DHX57: variants seen among roughly 807,000 people sequenced by gnomAD.
DHX57 encodes DExH-box helicase 57.
In DHX57, 105 loss-of-function variants were observed where a neutral mutation model predicts 156.2. The ratio of observed to expected loss-of-function variants is 0.67; its 90% CI spans 0.57 to 0.79. The LOEUF is 0.79. DHX57 is among the 30% of genes least tolerant of loss of function. The pLI, the probability that DHX57 is intolerant of heterozygous loss-of-function variation, is 0.00. For synonymous variants in DHX57, 704 were observed against 595.6 expected, an observed-to-expected ratio of 1.18 and a Z score of -2.65; for missense variants, 1,847 against 1,661.9, an observed-to-expected ratio of 1.11 and a Z score of -1.94.
At chr2:38,799,891 A>G (rs949261636) in intron 23 of DHX57, among the ~76,000 whole-genome samples, 2 of 152,010 alleles carry the variant, frequency 1.3e-5, no homozygotes, top group Non-Finnish European at 2.9e-5. Flanking sequence ...CGTCTCTAAT[A>G]AAAATACAAA....
In DHX57 at chr2:38,802,725, G is replaced by T. The variant is rs375481101; in HGVS notation, c.4007C>A (p.Ala1336Asp). 1.2e-6 allele frequency: 2 copies of T among 1,613,930 alleles called. No individual in the cohort carries two copies. Among genetic ancestry groups the T allele is most frequent in the Non-Finnish European group, 1.7e-6 (2 of 1,180,034 alleles). The change falls in exon 23 of 24, where the codon GCT becomes GAT. Residue 1336 changes from alanine to aspartate, a missense_variant. Transcript: ENST00000457308. Reference sequence around the variant, plus strand: ...CAATTCTGCCTTTACCTGATGGGAAGCAGCTACAAAACGGATCCAACCATC... The same window carrying T: ...CAATTCTGCCTTTACCTGATGGGAATCAGCTACAAAACGGATCCAACCATC... ...LDDGWIRFVA[A>D]SHQVAELVKE...
At chr2:38,864,344 G>C (rs570026947) in intron 2 of DHX57, among the ~76,000 whole-genome samples, 1 of 149,494 alleles carries the variant, frequency 6.7e-6, no homozygotes, top group Non-Finnish European at 1.5e-5. Context: ...CCAGGAGTTC[G>C]AGACCAGCCT....
intron 21 of DHX57, 42 bp from the exon 22 acceptor site, chr2:38,806,735 T>TA (rs777085785): frequency 1.3e-6 from 2 of 1,565,832 alleles, no homozygotes; most frequent in Non-Finnish European, 1.7e-6. Flanking sequence ...ATAATATATA[T>TA]ATTCTCATAG....
In DHX57 at chr2:38,797,843, G is replaced by A. The variant is rs1212464720; in HGVS notation, c.*456C>T. ...ATTTTGCTTGTTCACATAATTTTGG[G>A]TTTTTTTTCCCCTTCTCTGTTCTGA... On this transcript the variant is annotated 3_prime_UTR_variant, in exon 24 of 24. Coordinates refer to ENST00000457308, the MANE Select transcript of DHX57 (RefSeq NM_198963.3). 1 of 162,168 alleles carries A rather than the reference G, an allele frequency of 6.2e-6. No homozygotes were observed. Among genetic ancestry groups the A allele is most frequent in the South Asian group, 2.1e-4 (1 of 4,758 alleles). 10.0% of individuals were successfully genotyped at this position (162,168 alleles called of 1,614,324 possible). A position where few individuals can be genotyped will look rare whatever the true frequency, so the allele number is the denominator to read the frequency against.
chr2:38,863,546 C>A, intron 2 of DHX57, 27 bp from the exon 3 acceptor site: 1 of 1,602,318 alleles, frequency 6.2e-7, no homozygotes, highest in South Asian at 1.1e-5. Flanking sequence ...AGCAAAATTA[C>A]ACACATATCT....
At chr2:38,869,334 T>C (rs1359460930) in intron 1 of DHX57, among the ~76,000 whole-genome samples, 1 of 152,100 alleles carries the variant, frequency 6.6e-6, no homozygotes, top group Non-Finnish European at 1.5e-5. Context: ...CTTTCAAGAA[T>C]AGTGAGGTTG....
At chr2:38,811,167 G>C (rs115402513) in intron 21 of DHX57, 1 of 510,058 alleles carries the variant, frequency 2.0e-6, no homozygotes, top group African/African-American at 1.9e-5. Context: ...ACTGGGATGG[G>C]AATCCCATGT....
chr2:38,871,342 T>G (rs919636325), intron 1 of DHX57, among the ~76,000 whole-genome samples: 1 of 152,170 alleles, frequency 6.6e-6, no homozygotes, highest in Non-Finnish European at 1.5e-5. Flanking sequence ...GGAGCGTAAT[T>G]GTGCTGTGCT....
At chr2:38,822,838 CCTT>C (rs2148558964) in intron 17 of DHX57, among the ~76,000 whole-genome samples, 152 bp downstream of exon 17, 1 of 152,190 alleles carries the variant, frequency 6.6e-6, no homozygotes. Context: ...TTATTTTTGA[CCTT>C]CTCCCTCCCA....
intron 21 of DHX57, among the ~76,000 whole-genome samples, chr2:38,813,124 G>T (rs903650292): frequency 3.3e-5 from 5 of 152,126 alleles, no homozygotes; most frequent in Non-Finnish European, 5.9e-5. Context: ...GGGATTACAG[G>T]CGTGAGCCAC....
intron 11 of DHX57, among the ~76,000 whole-genome samples, chr2:38,844,748 A>C (rs1457698740): frequency 6.6e-6 from 1 of 152,178 alleles, no homozygotes; most frequent in Non-Finnish European, 1.5e-5. Flanking sequence ...TTGGGTGTTA[A>C]AGAATGACTA....
chr2:38,821,815 A>G (rs113718578), intron 17 of DHX57, among the ~76,000 whole-genome samples: 3 of 152,356 alleles, frequency 2.0e-5, no homozygotes, highest in South Asian at 2.1e-4. Flanking sequence ...AGAAAAAGGG[A>G]CATTATTACT....
chr2:38,847,805 C>T (rs536542461), intron 10 of DHX57, among the ~76,000 whole-genome samples: 4 of 151,752 alleles, frequency 2.6e-5, no homozygotes, highest in African/African-American at 2.4e-5. Context: ...CAGCAATGGC[C>T]GGGTGCAGTG....
At chr2:38,800,627 G>T (rs1343128375) in intron 23 of DHX57, among the ~76,000 whole-genome samples, 1 of 152,180 alleles carries the variant, frequency 6.6e-6, no homozygotes, top group Non-Finnish European at 1.5e-5. Context: ...ACAGGGATTG[G>T]TTTAGGAGGG....
rs1340871481 is a variant in DHX57 at position 38,823,129 on chromosome 2, A to C, written c.3155T>G (p.Leu1052Trp). ...DLGALTPDER[L>W]TPLGYHLASL... Reference sequence around the variant, plus strand: ...GGCCAAATGATACCCAAGAGGGGTCAATCTTTCATCTGGAGTTAATGCTCC... The same window carrying C: ...GGCCAAATGATACCCAAGAGGGGTCCATCTTTCATCTGGAGTTAATGCTCC... The change falls in exon 17 of 24, where the codon TTG (leucine) becomes TGG (tryptophan). Residue 1052 changes from leucine to tryptophan, a missense_variant. By Grantham distance (61) the Leu-to-Trp change is moderately conservative. Coordinates refer to ENST00000457308, the MANE Select transcript of DHX57 (RefSeq NM_198963.3). The C allele has an allele frequency of 2.5e-6, 4 of 1,614,210 alleles. No individual in the cohort carries two copies. Among genetic ancestry groups the C allele is most frequent in the Non-Finnish European group, 3.4e-6 (4 of 1,180,034 alleles).
At chr2:38,846,884 C>T in intron 11 of DHX57, 135 bp downstream of exon 11, 1 of 534,356 alleles carries the variant, frequency 1.9e-6, no homozygotes, top group South Asian at 3.4e-5. Context: ...GATGGGGGTC[C>T]CAATATGTTG....
At position 38,861,464 on chromosome 2, in the gene DHX57, C is replaced by T; in HGVS notation, c.946G>A (p.Gly316Arg). The T allele has an allele frequency of 6.2e-7, 1 of 1,614,000 alleles. No homozygotes were observed. The highest frequency in any genetic ancestry group is 8.5e-7 in the Non-Finnish European group (1 of 1,180,016). ...KFYLKGNCKFGSKCRFKHEVP... is the reference protein window; with the variant it reads ...KFYLKGNCKFRSKCRFKHEVP... ...TCATGTTTGAATCTGCATTTTGATC[C>T]AAATTTACAATTTCCTTTGAGGTAA... The change falls in exon 5 of 24, where the codon GGA (glycine) becomes AGA (arginine). Residue 316 changes from glycine to arginine, a missense_variant. Coordinates refer to ENST00000457308, the MANE Select transcript of DHX57 (RefSeq NM_198963.3).
At chr2:38,831,844 C>CAAA (rs35533064) in intron 13 of DHX57, among the ~76,000 whole-genome samples, 3 of 131,932 alleles carry the variant, frequency 2.3e-5, no homozygotes, top group East Asian at 2.3e-4. Flanking sequence ...GACTTCATCT[C>CAAA]AAAAAAAAAA....
intron 1 of DHX57, 21 bp from the exon 2 acceptor site, chr2:38,868,432 T>C (rs779973183): frequency 2.7e-5 from 44 of 1,606,678 alleles, no homozygotes; most frequent in African/African-American, 1.1e-4. Flanking sequence ...AAAAAATTAA[T>C]GTAGACATCA....
Sources: allele counts gnomAD v4.1 joint callset (sites outside exome capture counted in the v4.1 genomes callset), GRCh38; gene constraint gnomAD v4.1.1; transcripts MANE v1.5; gene names NCBI Gene and HGNC (gene_info 2026-07-23, HGNC 2026-07-21).